Variants in FER1L6 observed in about 807,000 individuals in gnomAD.
The protein encoded by FER1L6 is fer-1-like protein 6.
In FER1L6, 177 loss-of-function variants were observed where a neutral mutation model predicts 219.2. The ratio of observed to expected loss-of-function variants is 0.81; its 90% confidence interval spans 0.71 to 0.91. The LOEUF is 0.91. FER1L6 is among the 40% of genes least tolerant of loss of function. FER1L6 has a pLI of 0.00. For synonymous variants in FER1L6, 768 were observed against 824.3 expected (o/e 0.93, Z 1.17); for missense variants, 2,153 against 2,259.9 (o/e 0.95, Z 0.96).
intron 33 of FER1L6, among the ~76,000 whole-genome samples, chr8:124,091,023 A>T (rs1375393287): frequency 2.0e-5 from 3 of 152,162 alleles, no homozygotes; most frequent in Non-Finnish European, 4.4e-5. Flanking sequence ...GGGAAAGAGG[A>T]GTAACTGCTT....
chr8:123,912,268 T>G (rs1388559567), intron 1 of FER1L6, among the ~76,000 whole-genome samples: 4 of 121,936 alleles, frequency 3.3e-5, no homozygotes, highest in African/African-American at 1.3e-4. Context: ...ATTAAGAAAC[T>G]TGTCAATGTT....
intron 39 of FER1L6, among the ~76,000 whole-genome samples, chr8:124,109,320 T>C (rs1328479644): frequency 1.3e-5 from 2 of 152,182 alleles, no homozygotes; most frequent in Non-Finnish European, 2.9e-5. Context: ...ATTATTCAAA[T>C]AGGCTTTCCA....
intron 18 of FER1L6, among the ~76,000 whole-genome samples, chr8:124,023,819 A>G (rs973031735): frequency 2.6e-5 from 4 of 152,012 alleles, no homozygotes; most frequent in Non-Finnish European, 5.9e-5. Context: ...CCAGACACAC[A>G]TAAGTTTCTT....
intron 14 of FER1L6, among the ~76,000 whole-genome samples, chr8:124,011,940 T>G (rs1817954131): frequency 6.6e-6 from 1 of 152,238 alleles, no homozygotes; most frequent in Admixed American, 6.5e-5. Context: ...ATTGAATGTC[T>G]GAAAGTATTT....
chr8:123,977,546 G>C lies in FER1L6; in HGVS notation c.1000G>C (p.Val334Leu), dbSNP rs1015524795. 7 of 1,614,090 alleles carry C rather than the reference G, an allele frequency of 4.3e-6. No homozygotes were observed. The highest frequency in any genetic ancestry group is 1.7e-5 in the Admixed American group (1 of 60,004). ...QVWDEGSMNDVALATHFIDLK... is the reference protein window; with the variant it reads ...QVWDEGSMNDLALATHFIDLK... ...GTGGGATGAAGGCAGCATGAATGACGTAGCCCTGGCAACCCATTTCATTGA... is the reference window on the plus strand; with the variant it reads ...GTGGGATGAAGGCAGCATGAATGACCTAGCCCTGGCAACCCATTTCATTGA... Residue 334 changes from valine (V) to leucine (L), a missense_variant, in exon 10 of 41, where the codon GTA becomes CTA. Val to Leu is a conservative substitution (Grantham distance 32). Coordinates refer to ENST00000522917, the MANE Select transcript of FER1L6 (RefSeq NM_001039112.2).
chr8:123,886,347 C>A (rs550574945), intron 1 of FER1L6, among the ~76,000 whole-genome samples: 1 of 152,086 alleles, frequency 6.6e-6, no homozygotes, highest in Non-Finnish European at 1.5e-5. Flanking sequence ...CCATTCTCCC[C>A]GGGGTTGAGT....
chr8:124,114,875 T>C (rs1325308181), intron 39 of FER1L6, among the ~76,000 whole-genome samples: 2 of 140,832 alleles, frequency 1.4e-5, no homozygotes, highest in Non-Finnish European at 3.0e-5. Flanking sequence ...TGTATACATA[T>C]ATATGCAGTG....
At chr8:123,870,247 C>T (rs1417858446) in intron 1 of FER1L6, among the ~76,000 whole-genome samples, 1 of 152,202 alleles carries the variant, frequency 6.6e-6, no homozygotes, top group Admixed American at 6.5e-5. Flanking sequence ...TTGACAATTT[C>T]TCACAAAGCT....
chr8:124,094,799 T>G, intron 34 of FER1L6, 97 bp from the exon 35 acceptor site: 1 of 1,380,034 alleles, frequency 7.2e-7, no homozygotes, highest in Non-Finnish European at 1.0e-6. Context: ...TTGGTACATT[T>G]AAATAAGCCT....
chr8:123,966,340 A>G (rs554410084), intron 5 of FER1L6, 50 bp downstream of exon 5: 4 of 1,605,844 alleles, frequency 2.5e-6, no homozygotes, highest in Non-Finnish European at 3.4e-6. Flanking sequence ...TCTCTTCACC[A>G]CCATTCTGCA....
chr8:123,945,407 C>T (rs1563699265), intron 1 of FER1L6, among the ~76,000 whole-genome samples: 1 of 152,118 alleles, frequency 6.6e-6, no homozygotes. Context: ...TTTTGGGGGC[C>T]CTGTAAATCC....
intron 19 of FER1L6, 55 bp from the exon 20 acceptor site, chr8:124,039,827 A>G (rs1226810995): frequency 6.2e-7 from 1 of 1,611,374 alleles, no homozygotes; most frequent in East Asian, 2.2e-5. Context: ...ACATGTGCAC[A>G]CACTGTTCTT....
chr8:124,062,119 A>T (rs1219013487), intron 25 of FER1L6, 87 bp downstream of exon 25: 1 of 1,425,006 alleles, frequency 7.0e-7, no homozygotes, highest in Non-Finnish European at 9.7e-7. Flanking sequence ...CTCAAAGAGG[A>T]TGCCCCACAG....
chr8:124,097,096 CAT>C (rs57377289), intron 35 of FER1L6, among the ~76,000 whole-genome samples, 173 bp from the exon 36 acceptor site: 47 of 12,520 alleles, frequency 3.8e-3, no homozygotes, highest in African/African-American at 4.4e-3. Flanking sequence ...TATATATATA[CAT>C]ACATACATAC....
At chr8:124,085,605 T>A (rs993930117) in intron 33 of FER1L6, among the ~76,000 whole-genome samples, 1 of 151,860 alleles carries the variant, frequency 6.6e-6, no homozygotes, top group Non-Finnish European at 1.5e-5. Flanking sequence ...AATTTCAATT[T>A]AAAAAAAATT....
chr8:123,892,775 T>G (rs1812673121), intron 1 of FER1L6, among the ~76,000 whole-genome samples: 1 of 152,236 alleles, frequency 6.6e-6, no homozygotes, highest in African/African-American at 2.4e-5. Flanking sequence ...TTGTCAGACT[T>G]TCCAACAGCA....
chr8:123,879,439 G>C (rs1313505898), intron 1 of FER1L6, among the ~76,000 whole-genome samples: 1 of 152,064 alleles, frequency 6.6e-6, no homozygotes, highest in African/African-American at 2.4e-5. Context: ...CGATTCTCCT[G>C]CCTCAGCCTC....
At chr8:123,993,408 C>T (rs1816960124) in intron 12 of FER1L6, among the ~76,000 whole-genome samples, 1 of 147,458 alleles carries the variant, frequency 6.8e-6, no homozygotes, top group South Asian at 2.2e-4. Flanking sequence ...CGCCACTGCA[C>T]TCCAGCCTGG....
At position 124,033,620 on chromosome 8, in the gene FER1L6, T is replaced by A. The variant is rs956433757; in HGVS notation, c.2287-1657T>A. ...GTCATTCTCTGTCTAGCTCTTATGC[T>A]TACTGGTTGTGACTTCTTTCCCAAA... On this transcript the variant is annotated intron_variant, in intron 18 of 40. Transcript: ENST00000522917. 3.9e-5 allele frequency among the ~76,000 whole-genome samples: 6 copies of A among 152,196 alleles called. 1 individual carries two copies. Among genetic ancestry groups the A allele is most frequent in the Admixed American group, 3.3e-4 (5 of 15,278 alleles).
Sources: gnomAD v4.1 joint callset for allele counts (sites outside exome capture counted in the v4.1 genomes callset) on GRCh38, gnomAD v4.1.1 for gene constraint, MANE v1.5 for transcripts, NCBI Gene and HGNC (gene_info 2026-07-23, HGNC 2026-07-21) for gene names.